CACNA1E: variants seen among roughly 807,000 people sequenced by gnomAD.
The protein encoded by CACNA1E is voltage-dependent R-type calcium channel subunit alpha-1E.
A neutral mutation model predicts 259.2 loss-of-function variants in CACNA1E; 40 were observed. The ratio of observed to expected loss-of-function variants is 0.15; its 90% CI spans 0.12 to 0.20. The LOEUF (loss-of-function observed/expected upper bound fraction) is 0.20, where lower values mean the gene tolerates loss of function less well. Ranked by LOEUF, CACNA1E falls within the 10% of genes least tolerant of loss-of-function variation. The probability of loss-of-function intolerance (pLI) is 1.00; values close to 1 mark genes in which losing one functional copy is unlikely to be tolerated. For synonymous variants in CACNA1E, 1,104 were observed against 1,138.5 expected, an observed-to-expected ratio of 0.97 and a Z score of 0.61; for missense variants, 1,874 against 3,040.1, an observed-to-expected ratio of 0.62 and a Z score of 9.02.
intron 1 of CACNA1E, among the ~76,000 whole-genome samples, chr1:181,378,473 A>G (rs766003884): frequency 6.6e-5 from 10 of 152,244 alleles, no homozygotes; most frequent in Non-Finnish European, 1.2e-4. Context: ...GAGGAGACAA[A>G]GCTGAGAGCC....
intron 1 of CACNA1E, among the ~76,000 whole-genome samples, chr1:181,348,674 C>T (rs1652803411): frequency 6.6e-6 from 1 of 152,186 alleles, no homozygotes; most frequent in African/African-American, 2.4e-5. Context: ...CTAGGAGATC[C>T]AAGCCAGATG....
intron 7 of CACNA1E, among the ~76,000 whole-genome samples, chr1:181,697,161 A>G (rs112299783): frequency 1.0e-3 from 154 of 152,356 alleles, no homozygotes; most frequent in African/African-American, 3.7e-3. Flanking sequence ...GAATAACAAA[A>G]GCAGGGGAGG....
intron 43 of CACNA1E, among the ~76,000 whole-genome samples, chr1:181,787,206 G>A (rs6673775): frequency 0.029 from 4,453 of 151,996 alleles, 112 homozygotes; most frequent in South Asian, 0.15. Context: ...TGCAAACTCC[G>A]CCTCCCGGGT....
intron 25 of CACNA1E, among the ~76,000 whole-genome samples, chr1:181,741,841 G>A (rs1656606624): frequency 6.6e-6 from 1 of 152,220 alleles, no homozygotes; most frequent in Non-Finnish European, 1.5e-5. Context: ...CTCAGACCAG[G>A]TACAGTGCAG....
intron 1 of CACNA1E, among the ~76,000 whole-genome samples, chr1:181,401,103 C>G (rs1337576391): frequency 6.6e-6 from 1 of 152,192 alleles, no homozygotes; most frequent in African/African-American, 2.4e-5. Flanking sequence ...AAGGAACATT[C>G]TAGGCATGCT....
chr1:181,615,689 G>T (rs1408222986), intron 6 of CACNA1E, among the ~76,000 whole-genome samples: 1 of 152,080 alleles, frequency 6.6e-6, no homozygotes, highest in East Asian at 1.9e-4. Flanking sequence ...CCTGTCATCT[G>T]TGAATAATGG....
At chr1:181,724,208 C>T (rs1233440086) in intron 16 of CACNA1E, among the ~76,000 whole-genome samples, 1 of 152,108 alleles carries the variant, frequency 6.6e-6, no homozygotes, top group Non-Finnish European at 1.5e-5. Flanking sequence ...CCCATCTGGC[C>T]CCCAGATGGT....
chr1:181,600,570 G>A (rs944384981), intron 6 of CACNA1E, among the ~76,000 whole-genome samples: 9 of 152,144 alleles, frequency 5.9e-5, no homozygotes, highest in African/African-American at 1.7e-4. Flanking sequence ...TGGGTTGAAT[G>A]TGGGGTAGGA....
At chr1:181,439,649 G>A (rs1000140108) in intron 2 of CACNA1E, among the ~76,000 whole-genome samples, 3 of 152,060 alleles carry the variant, frequency 2.0e-5, no homozygotes, top group Admixed American at 1.3e-4. Context: ...GTGTATGTGC[G>A]TGCCCTGGCA....
chr1:181,424,966 G>A (rs1387052254), intron 2 of CACNA1E, among the ~76,000 whole-genome samples: 1 of 152,148 alleles, frequency 6.6e-6, no homozygotes, highest in African/African-American at 2.4e-5. Context: ...GTAGAAGGAG[G>A]CTCTTCAGTC....
chr1:181,762,697 TG>T (rs1186195586), intron 33 of CACNA1E, 40 bp downstream of exon 33: 1 of 1,255,452 alleles, frequency 8.0e-7, no homozygotes, highest in Admixed American at 1.8e-5. Flanking sequence ...AGCTTGGCCC[TG>T]GAGTAGCATT....
chr1:181,419,675 A>G (rs1242501466), intron 2 of CACNA1E, among the ~76,000 whole-genome samples: 2 of 152,194 alleles, frequency 1.3e-5, no homozygotes, highest in African/African-American at 2.4e-5. Context: ...TTGACTCACA[A>G]TAAGTGTTTG....
At chr1:181,747,218 A>G (rs1337949572) in intron 25 of CACNA1E, among the ~76,000 whole-genome samples, 2 of 152,250 alleles carry the variant, frequency 1.3e-5, no homozygotes, top group Non-Finnish European at 2.9e-5. Context: ...TGGCACTTAA[A>G]GGACAGAAGG....
chr1:181,767,033 G>A (rs1396242775), intron 35 of CACNA1E, among the ~76,000 whole-genome samples: 1 of 152,158 alleles, frequency 6.6e-6, no homozygotes, highest in Non-Finnish European at 1.5e-5. Context: ...TGTATATGGT[G>A]ACACCAAATC....
intron 2 of CACNA1E, among the ~76,000 whole-genome samples, chr1:181,425,312 C>T (rs1359420928): frequency 3.3e-5 from 5 of 152,228 alleles, no homozygotes; most frequent in Non-Finnish European, 7.4e-5. Context: ...GGCCTTCCCC[C>T]TCCCTGACCA....
chr1:181,693,630 C>A (rs1405742102), intron 7 of CACNA1E, among the ~76,000 whole-genome samples: 3 of 151,910 alleles, frequency 2.0e-5, no homozygotes, highest in Non-Finnish European at 4.4e-5. Flanking sequence ...ATAAAGATGG[C>A]AACAATAGAC....
intron 3 of CACNA1E, among the ~76,000 whole-genome samples, chr1:181,555,350 A>C (rs1009205228): frequency 6.6e-6 from 1 of 152,226 alleles, no homozygotes; most frequent in Admixed American, 6.5e-5. Context: ...GAGGTCTTTC[A>C]TCTAGAGCGA....
intron 7 of CACNA1E, among the ~76,000 whole-genome samples, chr1:181,683,969 G>A (rs1024725282): frequency 6.6e-6 from 1 of 152,056 alleles, no homozygotes; most frequent in Admixed American, 6.5e-5. Context: ...GCTCCTTCAG[G>A]CCAGGTTCTA....
At chr1:181,623,125 C>T (rs1655875349) in intron 6 of CACNA1E, among the ~76,000 whole-genome samples, 1 of 152,210 alleles carries the variant, frequency 6.6e-6, no homozygotes, top group Admixed American at 6.5e-5. Context: ...TCCCCAACCC[C>T]ATTCCCACCT....
Sources: gnomAD v4.1 joint callset for allele counts (sites outside exome capture counted in the v4.1 genomes callset) on GRCh38, gnomAD v4.1.1 for gene constraint, MANE v1.5 for transcripts, NCBI Gene and HGNC (gene_info 2026-07-23, HGNC 2026-07-21) for gene names.